Variants in FRMD4A observed in about 807,000 individuals in gnomAD.
FRMD4A encodes the protein FERM domain containing 4A.
In FRMD4A, 29 loss-of-function variants were observed where a neutral mutation model predicts 129.1. The observed-to-expected ratio is 0.22, with a 90% confidence interval of 0.17 to 0.31. FRMD4A has a LOEUF of 0.31. FRMD4A is among the 10% of genes least tolerant of loss of function. FRMD4A has a pLI of 1.00. For missense variants in FRMD4A, 1,272 were observed against 1,375.8 expected, an observed-to-expected ratio of 0.92 and a Z score of 1.19; for synonymous variants, 634 against 571.6, an observed-to-expected ratio of 1.11 and a Z score of -1.56.
At chr10:14,167,794 G>A (rs1841267949) in intron 2 of FRMD4A, among the ~76,000 whole-genome samples, 1 of 152,074 alleles carries the variant, frequency 6.6e-6, no homozygotes, top group Non-Finnish European at 1.5e-5. Flanking sequence ...GACAGACAGG[G>A]CAGGATGGAA....
At chr10:13,838,252 ATT>A (rs905362746) in intron 3 of FRMD4A, among the ~76,000 whole-genome samples, 1,691 of 125,944 alleles carry the variant, frequency 0.013, 17 homozygotes, top group Middle Eastern at 0.038. Context: ...TGCAGAGCTA[ATT>A]TTTTTTTTTT....
intron 2 of FRMD4A, among the ~76,000 whole-genome samples, chr10:14,078,885 T>G (rs1835765469): frequency 6.6e-6 from 1 of 152,208 alleles, no homozygotes; most frequent in Non-Finnish European, 1.5e-5. Context: ...TCCGGCTGTG[T>G]GATGCTTGTG....
At chr10:13,795,865 A>G (rs1392589734) in intron 5 of FRMD4A, among the ~76,000 whole-genome samples, 1 of 152,242 alleles carries the variant, frequency 6.6e-6, no homozygotes, top group Non-Finnish European at 1.5e-5. Context: ...TGTTGTCTTC[A>G]TAAGACAGCT....
chr10:13,996,225 T>C (rs2095622092), intron 2 of FRMD4A, among the ~76,000 whole-genome samples: 4 of 152,186 alleles, frequency 2.6e-5, no homozygotes, highest in Admixed American at 2.6e-4. Context: ...TTTCAATATA[T>C]TAATTGCAGA....
At position 14,044,154 on chromosome 10, in the gene FRMD4A, C is replaced by T. The variant is rs563574117; in HGVS notation, c.46-185242G>A. On this transcript the variant is annotated intron_variant, in intron 2 of 24. Coordinates refer to ENST00000357447, the MANE Select transcript of FRMD4A (RefSeq NM_018027.5). ...CTTTGGGTCATCTTTAACGTCTCTG[C>T]TCTCCAATTTCAAATCAGTTGTCCA... Among the ~76,000 whole-genome samples, 6 of 152,310 alleles carry T rather than the reference C, an allele frequency of 3.9e-5. No individual in the cohort carries two copies. In the East Asian group the frequency reaches 1.2e-3, roughly 29 times the overall value.
chr10:14,312,735 G>A (rs542796572), intron 2 of FRMD4A, among the ~76,000 whole-genome samples: 1 of 151,928 alleles, frequency 6.6e-6, no homozygotes, highest in Admixed American at 6.6e-5. Context: ...GTGTGGTGGT[G>A]GGCACCTGCA....
rs930161249 is a variant in FRMD4A, at chr10:14,221,351, T to C, written c.45+108707A>G. Among the ~76,000 whole-genome samples the C allele has an allele frequency of 2.0e-5, 3 of 152,058 alleles. No individual in the cohort carries two copies. The East Asian group carries it at 5.8e-4, about 29-fold the overall frequency. On this transcript the variant is annotated intron_variant, in intron 2 of 24. Coordinates refer to ENST00000357447, the MANE Select transcript of FRMD4A (RefSeq NM_018027.5). ...GGGGAAGGGAGCCAAGGGGAGAGCATTGGTGGAGATGTGGCCTAATTTCAT... is the reference window on the plus strand; with the variant it reads ...GGGGAAGGGAGCCAAGGGGAGAGCACTGGTGGAGATGTGGCCTAATTTCAT...
chr10:13,881,793 G>A (rs971922277), intron 2 of FRMD4A, among the ~76,000 whole-genome samples: 1 of 151,660 alleles, frequency 6.6e-6, no homozygotes, highest in Non-Finnish European at 1.5e-5. Flanking sequence ...CTTCCAGCAC[G>A]CATGCTTCTG....
intron 2 of FRMD4A, among the ~76,000 whole-genome samples, chr10:14,017,336 G>A (rs2095702433): frequency 6.6e-6 from 1 of 152,134 alleles, no homozygotes; most frequent in Non-Finnish European, 1.5e-5. Context: ...GCATTGATTT[G>A]CCATGTTTAT....
chr10:13,974,913 G>C (rs1435879375), intron 2 of FRMD4A, among the ~76,000 whole-genome samples: 1 of 152,262 alleles, frequency 6.6e-6, no homozygotes, highest in African/African-American at 2.4e-5. Context: ...CAAGTGGCAT[G>C]ACTGCCATTG....
chr10:13,920,740 C>T (rs1026018172), intron 2 of FRMD4A, among the ~76,000 whole-genome samples: 7 of 152,214 alleles, frequency 4.6e-5, no homozygotes, highest in African/African-American at 1.7e-4. Flanking sequence ...AAATCATTCA[C>T]TATTATTCCA....
In FRMD4A at chr10:14,050,931, G is replaced by A. The variant is rs76966407; in HGVS notation, c.46-192019C>T. Among the ~76,000 whole-genome samples, 1,174 of 152,268 alleles carry A rather than the reference G, an allele frequency of 7.7e-3. 61 individuals carry two copies. In the East Asian group the frequency reaches 0.13, roughly 16 times the overall value. On this transcript the variant is annotated intron_variant, in intron 2 of 24. Coordinates refer to ENST00000357447, the MANE Select transcript of FRMD4A (RefSeq NM_018027.5). Reference sequence around the variant, plus strand: ...TCCCTGAGTTCTGCAAGTCATTCTAGCAAATGACTGAAACTGAGGAGGGGA... The same window carrying A: ...TCCCTGAGTTCTGCAAGTCATTCTAACAAATGACTGAAACTGAGGAGGGGA...
rs563084442 is a variant in FRMD4A, at chr10:13,856,036, A to G, written c.111+2811T>C. On this transcript the variant is annotated intron_variant, in intron 3 of 24. Coordinates refer to ENST00000357447, the MANE Select transcript of FRMD4A (RefSeq NM_018027.5). Reference sequence around the variant, plus strand: ...ATACTATCTATCTATCTATCTATCTATCTATCTATCTATCTATCTATCTAT... The same window carrying G: ...ATACTATCTATCTATCTATCTATCTGTCTATCTATCTATCTATCTATCTAT... Among the ~76,000 whole-genome samples, 132 of 151,572 alleles carry G rather than the reference A, an allele frequency of 8.7e-4. 1 individual carries two copies. Among genetic ancestry groups the G allele is most frequent in the African/African-American group, 2.7e-3 (110 of 41,382 alleles).
At chr10:13,975,340 A>G (rs1251575452) in intron 2 of FRMD4A, among the ~76,000 whole-genome samples, 8 of 144,378 alleles carry the variant, frequency 5.5e-5, no homozygotes, top group African/African-American at 2.1e-4. Flanking sequence ...CTGAGCCTCT[A>G]TGTATGTGTC....
chr10:13,685,100 A>T lies in FRMD4A; in HGVS notation c.1117+8798T>A, dbSNP rs1314029983. The T allele has an allele frequency of 6.1e-6, 6 of 984,780 alleles. No individual in the cohort carries two copies. The African/African-American group carries it at 1.0e-4, about 17-fold the overall frequency. The allele number at this position is 984,780 out of a possible 1,614,324, so 61.0% of individuals were successfully genotyped here. On this transcript the variant is annotated intron_variant, in intron 15 of 24. Coordinates refer to ENST00000357447, the MANE Select transcript of FRMD4A (RefSeq NM_018027.5). ...ATGCCACATTGCAGACTGCAGGATA[A>T]ACGTGTCATCTCTGGGGACTGTTAT...
At chr10:13,690,886 T>C (rs1221532667) in intron 15 of FRMD4A, among the ~76,000 whole-genome samples, 1 of 152,186 alleles carries the variant, frequency 6.6e-6, no homozygotes, top group African/African-American at 2.4e-5. Flanking sequence ...AAGGTTTTCT[T>C]AGGATTTCTC....
chr10:13,686,158 C>T (rs367696818), intron 15 of FRMD4A, among the ~76,000 whole-genome samples: 1 of 152,234 alleles, frequency 6.6e-6, no homozygotes, highest in Non-Finnish European at 1.5e-5. Context: ...AAAATTAAGG[C>T]CCCTGGAATC....
At chr10:14,218,143 C>CT (rs1383398248) in intron 2 of FRMD4A, among the ~76,000 whole-genome samples, 3 of 152,092 alleles carry the variant, frequency 2.0e-5, no homozygotes, top group African/African-American at 7.2e-5. Flanking sequence ...TTCTACTCTG[C>CT]TTTTTTTGCA....
chr10:14,027,490 C>A (rs952271235), intron 2 of FRMD4A, among the ~76,000 whole-genome samples: 1 of 152,188 alleles, frequency 6.6e-6, no homozygotes, highest in African/African-American at 2.4e-5. Context: ...GTGGCATGTG[C>A]CTGTAATCCC....
Sources: allele counts gnomAD v4.1 joint callset (sites outside exome capture counted in the v4.1 genomes callset), GRCh38; gene constraint gnomAD v4.1.1; transcripts MANE v1.5; gene names NCBI Gene and HGNC (gene_info 2026-07-23, HGNC 2026-07-21).